RPRD2: variants seen among roughly 807,000 people sequenced by gnomAD.
The protein encoded by RPRD2 is regulation of nuclear pre-mRNA domain-containing protein 2.
Under a neutral mutation model 104.4 loss-of-function variants are expected in RPRD2, and 12 were observed. The ratio of observed to expected loss-of-function variants is 0.11; its 90% CI spans 0.07 to 0.19. RPRD2 has a LOEUF of 0.19. RPRD2 is among the 10% of genes least tolerant of loss of function. RPRD2 has a pLI of 1.00. For missense variants in RPRD2, 1,543 were observed against 1,790.1 expected (o/e 0.86, Z 2.49); for synonymous variants, 714 against 684.9 (o/e 1.04, Z -0.66).
At chr1:150,411,815 A>C (rs1286010370) in intron 1 of RPRD2, among the ~76,000 whole-genome samples, 1 of 144,740 alleles carries the variant, frequency 6.9e-6, no homozygotes, top group Non-Finnish European at 1.5e-5. Context: ...AAAAAAAAAA[A>C]ACGAAACAAA....
At chr1:150,379,569 A>ACTT (rs1660978904) in intron 1 of RPRD2, among the ~76,000 whole-genome samples, 1 of 151,698 alleles carries the variant, frequency 6.6e-6, no homozygotes, top group Non-Finnish European at 1.5e-5. Context: ...TGCCCGGCTA[A>ACTT]TTTTGTATTT....
At chr1:150,466,221 A>C (rs1341064015) in intron 10 of RPRD2, among the ~76,000 whole-genome samples, 2 of 151,562 alleles carry the variant, frequency 1.3e-5, no homozygotes, top group African/African-American at 4.9e-5. Context: ...TACTAAAAAT[A>C]CAAAAAATTA....
At chr1:150,452,600 G>GCT (rs1382072809) in intron 7 of RPRD2, among the ~76,000 whole-genome samples, 1 of 149,174 alleles carries the variant, frequency 6.7e-6, no homozygotes, top group Non-Finnish European at 1.5e-5. Context: ...TTACTTTGAT[G>GCT]CTCAGTTTGA....
chr1:150,384,855 T>G (rs1028148811), intron 1 of RPRD2, among the ~76,000 whole-genome samples: 1 of 151,912 alleles, frequency 6.6e-6, no homozygotes, highest in East Asian at 1.9e-4. Context: ...GGGAATATAT[T>G]TAAAAGAAGG....
chr1:150,369,636 T>TTTTTTTTTTTA (rs1660142713), intron 1 of RPRD2, among the ~76,000 whole-genome samples: 1 of 131,502 alleles, frequency 7.6e-6, no homozygotes, highest in Non-Finnish European at 1.7e-5. Flanking sequence ...TTTTTTTTTT[T>TTTTTTTTTTTA]TTTTTTGTAT....
intron 6 of RPRD2, 143 bp from the exon 7 acceptor site, chr1:150,446,075 AAAAAAAAG>A: frequency 1.9e-6 from 1 of 515,530 alleles, no homozygotes; most frequent in South Asian, 4.0e-5. Flanking sequence ...CTCAAAAAAA[AAAAAAAAG>A]AAAGAAACTA....
chr1:150,442,060 G>A lies in RPRD2; in HGVS notation c.514+102G>A, dbSNP rs895244717. 3 of 866,506 alleles carry A rather than the reference G, an allele frequency of 3.5e-6. No individual in the cohort carries two copies. The African/African-American group carries it at 5.2e-5, about 15-fold the overall frequency. 53.7% of individuals were successfully genotyped at this position (866,506 alleles called of 1,614,324 possible). On this transcript the variant is annotated intron_variant, in intron 4 of 10. Coordinates refer to ENST00000369068, the MANE Select transcript of RPRD2 (RefSeq NM_015203.5). ...CGTACCTGGCATAAACCATGGGCAAGCCTGTTTTCCAGGTCTGGGAGGCTC... is the reference window on the plus strand; with the variant it reads ...CGTACCTGGCATAAACCATGGGCAAACCTGTTTTCCAGGTCTGGGAGGCTC...
rs1280966253 is a variant in RPRD2, at chr1:150,472,775, C to G, written c.3827C>G (p.Pro1276Arg). 1.2e-6 allele frequency: 2 copies of G among 1,608,970 alleles called. No homozygotes were observed. Among genetic ancestry groups the G allele is most frequent in the Non-Finnish European group, 1.7e-6 (2 of 1,175,476 alleles). Residue 1276 changes from proline to arginine, a missense_variant, in exon 11 of 11, where the codon CCT (proline) becomes CGT (arginine). Physicochemically the swap from Pro to Arg is moderately radical, Grantham distance 103. Coordinates refer to ENST00000369068, the MANE Select transcript of RPRD2 (RefSeq NM_015203.5). ...PFPTPPPPPPPGEHSSSGGSG... is the reference protein window; with the variant it reads ...PFPTPPPPPPRGEHSSSGGSG... The stretch of plus-strand genomic sequence containing the variant: ...CCTACCCCACCTCCTCCTCCCCCTC[C>G]TGGGGAACATAGCAGCAGTGGTGGG...
At chr1:150,371,539 T>A (rs192076499) in intron 1 of RPRD2, among the ~76,000 whole-genome samples, 19 of 152,254 alleles carry the variant, frequency 1.2e-4, no homozygotes, top group African/African-American at 4.6e-4. Context: ...CTGGCTAATT[T>A]TTTGCATTTT....
chr1:150,442,126 T>TAAAAAAAAAAAAAAAGAAAAAAAAAAA, intron 4 of RPRD2, among the ~76,000 whole-genome samples, 168 bp downstream of exon 4: 1 of 126,532 alleles, frequency 7.9e-6, no homozygotes, highest in Non-Finnish European at 1.6e-5. Context: ...GAGATACTTC[T>TAAAAAAAAAAAAAAAGAAAAAAAAAAA]AAAAAAAAAA....
chr1:150,410,821 C>T (rs1377133239), intron 1 of RPRD2, among the ~76,000 whole-genome samples: 3 of 152,158 alleles, frequency 2.0e-5, no homozygotes, highest in Admixed American at 6.5e-5. Flanking sequence ...TCTCACAGTT[C>T]TAGAGGTTGC....
rs1338042740 is a variant in RPRD2 at position 150,451,175 on chromosome 1, T to G, written c.870+4774T>G. ...TTCCCAGTTTGAGTTTATTTGATAT[T>G]TCTTTGTGATCAGGTTGAGGTTATG... On this transcript the variant is annotated intron_variant, in intron 7 of 10. Transcript: ENST00000369068. Among the ~76,000 whole-genome samples, 3 of 152,168 alleles carry G rather than the reference T, an allele frequency of 2.0e-5. No homozygotes were observed. In the East Asian group the frequency reaches 5.8e-4, roughly 29 times the overall value.
intron 1 of RPRD2, among the ~76,000 whole-genome samples, chr1:150,381,265 A>G (rs1661107712): frequency 6.6e-6 from 1 of 151,602 alleles, no homozygotes; most frequent in African/African-American, 2.4e-5. Flanking sequence ...CTCTACAAAA[A>G]AAAAAAAATA....
chr1:150,426,705 C>G lies in RPRD2; in HGVS notation c.335+8980C>G, dbSNP rs587727422. ...AGAATAGAATAGTGTTTGCCAGGGA[C>G]TGGGGTAGGGGGCAGGGAATGGGGA... On this transcript the variant is annotated intron_variant, in intron 2 of 10. Transcript: ENST00000369068. Among the ~76,000 whole-genome samples the G allele has an allele frequency of 5.9e-5, 9 of 152,178 alleles. No homozygotes were observed. In the South Asian group the frequency reaches 1.9e-3, roughly 32 times the overall value.
chr1:150,429,804 A>G (rs1293919219), intron 2 of RPRD2, among the ~76,000 whole-genome samples: 1 of 152,220 alleles, frequency 6.6e-6, no homozygotes, highest in Non-Finnish European at 1.5e-5. Context: ...AGAATAGTCA[A>G]CCATCTATTC....
chr1:150,394,292 C>T (rs1389451110), intron 1 of RPRD2, among the ~76,000 whole-genome samples: 2 of 152,040 alleles, frequency 1.3e-5, no homozygotes, highest in South Asian at 2.1e-4. Flanking sequence ...TCGGGTGATC[C>T]GCCCGCCTCA....
At chr1:150,368,897 T>C (rs1296910847) in intron 1 of RPRD2, among the ~76,000 whole-genome samples, 5 of 152,124 alleles carry the variant, frequency 3.3e-5, no homozygotes, top group Non-Finnish European at 5.9e-5. Flanking sequence ...CGTGAGCCAC[T>C]GCACCCGGCT....
chr1:150,452,460 G>A (rs587620425), intron 7 of RPRD2, among the ~76,000 whole-genome samples: 1 of 152,186 alleles, frequency 6.6e-6, no homozygotes, highest in South Asian at 2.1e-4. Flanking sequence ...ATTAATGAAT[G>A]TTTTGTGAGG....
At chr1:150,459,234 C>A (rs1388913084) in intron 8 of RPRD2, among the ~76,000 whole-genome samples, 1 of 152,070 alleles carries the variant, frequency 6.6e-6, no homozygotes, top group Admixed American at 6.6e-5. Flanking sequence ...TTGATACAGC[C>A]CTTAAAGCAT....
Sources: gnomAD v4.1 joint callset for allele counts (sites outside exome capture counted in the v4.1 genomes callset) on GRCh38, gnomAD v4.1.1 for gene constraint, MANE v1.5 for transcripts, NCBI Gene and HGNC (gene_info 2026-07-23, HGNC 2026-07-21) for gene names.